SVOPL: variants seen among roughly 807,000 people sequenced by gnomAD.
SVOPL encodes the protein SVOP like.
SVOPL carries 60 observed loss-of-function variants against 61.0 expected under a neutral mutation model. That is an observed-to-expected ratio of 0.98 (90% confidence interval 0.80 to 1.22). The LOEUF (loss-of-function observed/expected upper bound fraction) is 1.22. Ranked by LOEUF, SVOPL falls within the 50% of genes most tolerant of loss-of-function variation. The pLI, the probability that SVOPL is intolerant of heterozygous loss-of-function variation, is 0.00. For synonymous variants in SVOPL, 279 were observed against 250.0 expected (o/e 1.12, Z -1.09); for missense variants, 662 against 643.9 (o/e 1.03, Z -0.30).
At position 138,644,856 on chromosome 7, in the gene SVOPL, A is replaced by G. The variant is rs762686727; in HGVS notation, c.661-11T>C. 5.0e-6 allele frequency: 8 copies of G among 1,614,010 alleles called. No homozygotes were observed. The South Asian group carries it at 8.8e-5, about 18-fold the overall frequency. On this transcript the variant is annotated splice_polypyrimidine_tract_variant and intron_variant, in intron 8 of 15. Coordinates refer to ENST00000674285, the MANE Select transcript of SVOPL (RefSeq NM_001139456.2). Reference sequence around the variant, plus strand: ...AGATTCAGGAATAAACTGGGTAGAGATTACAAAGAACATCAGAGTGGCCAC... The same window carrying G: ...AGATTCAGGAATAAACTGGGTAGAGGTTACAAAGAACATCAGAGTGGCCAC...
At chr7:138,599,167 A>AAAAAAAAAAGAAAAAC (rs58372563) in intron 14 of SVOPL, among the ~76,000 whole-genome samples, 1 of 121,808 alleles carries the variant, frequency 8.2e-6, no homozygotes, top group African/African-American at 3.2e-5. Flanking sequence ...ACCAAAAAAA[A>AAAAAAAAAAGAAAAAC]AAGAAATACA....
chr7:138,618,997 G>A (rs992746871), intron 14 of SVOPL, among the ~76,000 whole-genome samples: 2 of 152,124 alleles, frequency 1.3e-5, no homozygotes, highest in African/African-American at 4.8e-5. Flanking sequence ...CATAGCCTCT[G>A]GGATAAATAC....
At chr7:138,627,618 T>G (rs765722618) in intron 11 of SVOPL, among the ~76,000 whole-genome samples, 157 bp from the exon 12 acceptor site, 2 of 152,180 alleles carry the variant, frequency 1.3e-5, no homozygotes, top group African/African-American at 4.8e-5. Context: ...TGTCATCAAT[T>G]TCAAGACTTT....
intron 4 of SVOPL, among the ~76,000 whole-genome samples, chr7:138,666,389 T>A (rs1802262838): frequency 6.6e-6 from 1 of 152,184 alleles, no homozygotes; most frequent in South Asian, 2.1e-4. Flanking sequence ...AAGTAAAAAC[T>A]TTGTTTTATT....
intron 7 of SVOPL, among the ~76,000 whole-genome samples, chr7:138,653,944 AAAAAGAAAAG>A (rs1178892285): frequency 3.9e-5 from 2 of 50,664 alleles, no homozygotes; most frequent in African/African-American, 8.8e-5. Flanking sequence ...AAAAAAAAAA[AAAAAGAAAAG>A]AAAAGAAAAG....
chr7:138,597,420 T>C (rs926779425), intron 14 of SVOPL, among the ~76,000 whole-genome samples: 5 of 152,136 alleles, frequency 3.3e-5, no homozygotes, highest in African/African-American at 1.2e-4. Flanking sequence ...CACCACCACT[T>C]AGCTTCTCTT....
At chr7:138,648,532 CCAA>C (rs1377908541) in intron 8 of SVOPL, among the ~76,000 whole-genome samples, 259 of 104,018 alleles carry the variant, frequency 2.5e-3, no homozygotes, top group East Asian at 8.7e-3. Context: ...TACTAAAAAT[CCAA>C]AAAAAAAAAA....
At chr7:138,668,157 A>T (rs1367183144) in intron 4 of SVOPL, among the ~76,000 whole-genome samples, 1 of 152,080 alleles carries the variant, frequency 6.6e-6, no homozygotes, top group Non-Finnish European at 1.5e-5. Context: ...GAACTCACTC[A>T]GCGCAAGAGG....
chr7:138,700,711 T>TGGAC (rs1803177171), intron 1 of SVOPL, among the ~76,000 whole-genome samples: 1 of 149,888 alleles, frequency 6.7e-6, no homozygotes, highest in Admixed American at 6.7e-5. Context: ...GATGGATGGA[T>TGGAC]GGATGGCAGA....
chr7:138,637,503 T>G (rs1410985170), intron 9 of SVOPL, among the ~76,000 whole-genome samples: 6 of 32,284 alleles, frequency 1.9e-4, no homozygotes, highest in Non-Finnish European at 3.1e-4. Context: ...TATATATATA[T>G]ATATATAGAT....
chr7:138,625,452 A>G (rs1227902550), intron 13 of SVOPL, among the ~76,000 whole-genome samples: 1 of 152,202 alleles, frequency 6.6e-6, no homozygotes, highest in Non-Finnish European at 1.5e-5. Context: ...TTAGTTGTTT[A>G]AAGTGGGAGG....
intron 4 of SVOPL, among the ~76,000 whole-genome samples, chr7:138,667,176 G>A (rs1802286671): frequency 6.6e-6 from 1 of 152,176 alleles, no homozygotes. Context: ...ACACCAAAGA[G>A]GAGGTTAAGC....
chr7:138,670,951 A>T (rs1326424795), intron 4 of SVOPL, among the ~76,000 whole-genome samples: 3 of 152,228 alleles, frequency 2.0e-5, no homozygotes, highest in Non-Finnish European at 4.4e-5. Flanking sequence ...GCAAAGCTCT[A>T]TGATAGAAGG....
chr7:138,686,405 CAAA>C lies in SVOPL; in HGVS notation c.-34-7329_-34-7327del, dbSNP rs200553829. Among the ~76,000 whole-genome samples the C allele has an allele frequency of 4.3e-4, 38 of 88,706 alleles. 1 individual carries two copies. The highest frequency in any genetic ancestry group is 1.5e-3 in the African/African-American group (36 of 23,826). 58.2% of individuals were successfully genotyped at this position (88,706 alleles called of 152,430 possible). A position where few individuals can be genotyped will look rare whatever the true frequency, so the allele number is the denominator to read the frequency against. ...TGGGTGAAAGAGTGAGACTCCGCCT[CAAA>C]AAAAAAAAAAAAAAAAAAAAGAAGC... On this transcript the variant is annotated intron_variant, in intron 1 of 15. Transcript: ENST00000674285.
chr7:138,647,074 T>C (rs888203669), intron 8 of SVOPL, among the ~76,000 whole-genome samples: 14 of 152,146 alleles, frequency 9.2e-5, no homozygotes, highest in Non-Finnish European at 1.6e-4. Flanking sequence ...CATAGATTCA[T>C]ACATATTTAA....
At chr7:138,664,744 C>T (rs1802180195) in intron 4 of SVOPL, among the ~76,000 whole-genome samples, 1 of 150,246 alleles carries the variant, frequency 6.7e-6, no homozygotes, top group Non-Finnish European at 1.5e-5. Flanking sequence ...CTGATCCTCT[C>T]TTGCGCCCTT....
chr7:138,679,618 T>C (rs1353442447), intron 1 of SVOPL, among the ~76,000 whole-genome samples: 2 of 152,154 alleles, frequency 1.3e-5, no homozygotes, highest in Non-Finnish European at 1.5e-5. Flanking sequence ...ATTTGCCCTT[T>C]GCACACCTCA....
At chr7:138,602,581 C>T (rs978995425) in intron 14 of SVOPL, among the ~76,000 whole-genome samples, 5 of 151,978 alleles carry the variant, frequency 3.3e-5, no homozygotes, top group African/African-American at 7.2e-5. Context: ...TTGCTGATGG[C>T]CTTTAAGCCT....
intron 5 of SVOPL, chr7:138,661,707 A>G (rs1802008488): frequency 3.4e-6 from 3 of 877,086 alleles, no homozygotes; most frequent in South Asian, 1.1e-4. Context: ...TTATTAGTAA[A>G]TAACTTAGGA....
Sources: allele counts gnomAD v4.1 joint callset (sites outside exome capture counted in the v4.1 genomes callset), GRCh38; gene constraint gnomAD v4.1.1; transcripts MANE v1.5; gene names NCBI Gene and HGNC (gene_info 2026-07-23, HGNC 2026-07-21).